The following PTH1R variants were observed in gnomAD, a reference collection of about 807,000 sequenced individuals.
PTH1R encodes the protein parathyroid hormone 1 receptor, also known as parathyroid hormone/parathyroid hormone-related peptide receptor.
Under a neutral mutation model 70.7 loss-of-function variants are expected in PTH1R, and 32 were observed. The ratio of observed to expected loss-of-function variants is 0.45; its 90% CI spans 0.34 to 0.61. PTH1R has a LOEUF of 0.61. Among genes scored for constraint, PTH1R ranks in the 20% least tolerant of loss-of-function variants. PTH1R has a pLI of 0.01. For missense variants in PTH1R, 626 were observed against 792.5 expected (o/e 0.79, Z 2.52); for synonymous variants, 329 against 324.8 (o/e 1.01, Z -0.14).
rs940205369 is a variant in PTH1R, at chr3:46,891,277, G to A, written c.76-2630G>A. On this transcript the variant is annotated intron_variant, in intron 3 of 15. Coordinates refer to ENST00000449590, the MANE Select transcript of PTH1R (RefSeq NM_000316.3). The surrounding 1 kb of genome is among the most constrained non-coding windows in gnomAD (Gnocchi z 4.3). ...GCCTCCTCCTGGCCATGGAGAAGGT[G>A]AAGCCAACAGCTGGAGGTAGAGGCT... Among the ~76,000 whole-genome samples, 1 of 152,178 alleles carries A rather than the reference G, an allele frequency of 6.6e-6. No individual in the cohort carries two copies. Among genetic ancestry groups the A allele is most frequent in the Non-Finnish European group, 1.5e-5 (1 of 68,032 alleles).
intron 4 of PTH1R, among the ~76,000 whole-genome samples, chr3:46,895,383 C>G (rs983197308): frequency 6.6e-6 from 1 of 152,184 alleles, no homozygotes; most frequent in African/African-American, 2.4e-5. Flanking sequence ...CCTGGTGGGG[C>G]CTTCACTGCT....
In PTH1R at chr3:46,891,005, C is replaced by T. The variant is rs1367912718; in HGVS notation, c.76-2902C>T. ...TTCCAGGCACGGAGCTGTGAGCTAA[C>T]GTTTGGAGGGGTAGCGCACTTGGTG... is the stretch of plus-strand genomic sequence containing the variant. On this transcript the variant is annotated intron_variant, in intron 3 of 15. Transcript: ENST00000449590. This position sits in a 1 kb window ranked among gnomAD's most constrained non-coding sequence, Gnocchi z 4.3. Among the ~76,000 whole-genome samples the T allele has an allele frequency of 6.6e-6, 1 of 152,140 alleles. No homozygotes were observed. Among genetic ancestry groups the T allele is most frequent in the Admixed American group, 6.5e-5 (1 of 15,278 alleles).
rs2031835498 is a variant in PTH1R, at chr3:46,897,739, CAAAACAAAACA to C, written c.314-106_314-96del. On this transcript the variant is annotated intron_variant, in intron 5 of 15. Transcript: ENST00000449590. ...AAAGCGAAACTCCGTCTCAAAAAAA[CAAAACAAAACA>C]AAAACAAAAACAAACAAACCACAGA... 6.9e-6 allele frequency: 7 copies of C among 1,017,160 alleles called. No homozygotes were observed. In the East Asian group the frequency reaches 1.8e-4, roughly 26 times the overall value. The allele number at this position is 1,017,160 out of a possible 1,614,324, so 63.0% of individuals were successfully genotyped here.
chr3:46,880,517 A>G (rs2106942319), intron 1 of PTH1R, among the ~76,000 whole-genome samples: 1 of 152,294 alleles, frequency 6.6e-6, no homozygotes, highest in East Asian at 1.9e-4. Context: ...AGGCAGGTGG[A>G]TCACTTGAGG....
At chr3:46,881,683 C>T (rs948939072) in intron 2 of PTH1R, among the ~76,000 whole-genome samples, 1 of 151,844 alleles carries the variant, frequency 6.6e-6, no homozygotes, top group Non-Finnish European at 1.5e-5. Flanking sequence ...GAACGACAGG[C>T]CTGGGATGGG....
At chr3:46,899,526 C>T in intron 10 of PTH1R, 70 bp downstream of exon 10, 3 of 1,561,068 alleles carry the variant, frequency 1.9e-6, no homozygotes, top group Non-Finnish European at 2.6e-6. Context: ...GAGGGCAGCC[C>T]CTGGGGGGAG....
chr3:46,895,319 C>A (rs900403862), intron 4 of PTH1R, among the ~76,000 whole-genome samples: 2 of 152,202 alleles, frequency 1.3e-5, no homozygotes, highest in African/African-American at 4.8e-5. Flanking sequence ...TTAATTTTCG[C>A]TATGTAACCT....
chr3:46,894,879 T>C (rs2107016092), intron 4 of PTH1R, among the ~76,000 whole-genome samples: 1 of 151,472 alleles, frequency 6.6e-6, no homozygotes, highest in Non-Finnish European at 1.5e-5. Context: ...CTGGGCAACA[T>C]AGTGAGACCC....
intron 10 of PTH1R, among the ~76,000 whole-genome samples, chr3:46,900,197 A>G (rs553462029): frequency 6.6e-6 from 1 of 152,012 alleles, no homozygotes; most frequent in East Asian, 1.9e-4. Flanking sequence ...CTCGACATAC[A>G]TCCTGACCCT....
In PTH1R at chr3:46,891,508, A is replaced by C. The variant is rs988513491; in HGVS notation, c.76-2399A>C. Among the ~76,000 whole-genome samples, 1 of 152,238 alleles carries C rather than the reference A, an allele frequency of 6.6e-6. No individual in the cohort carries two copies. The highest frequency in any genetic ancestry group is 1.5e-5 in the Non-Finnish European group (1 of 68,046). The stretch of plus-strand genomic sequence containing the variant: ...CTAAGGATGTGTGGGAGCCTCCGTC[A>C]GTCACTCCAGAGCTCTCCATCAGCT... On this transcript the variant is annotated intron_variant, in intron 3 of 15. Transcript: ENST00000449590. This position sits in a 1 kb window ranked among gnomAD's most constrained non-coding sequence, Gnocchi z 4.3.
At chr3:46,881,505 GC>G (rs1462690736) in intron 2 of PTH1R, among the ~76,000 whole-genome samples, 1 of 152,154 alleles carries the variant, frequency 6.6e-6, no homozygotes, top group Non-Finnish European at 1.5e-5. Context: ...CCCAGGTCTG[GC>G]AGCCTCGAGC....
At chr3:46,885,338 T>TGTATTTCATACATTCTTA (rs1171828978) in intron 3 of PTH1R, among the ~76,000 whole-genome samples, 3 of 152,144 alleles carry the variant, frequency 2.0e-5, no homozygotes, top group Non-Finnish European at 2.9e-5. Context: ...TGTTTTCTTA[T>TGTATTTCATACATTCTTA]GTGTATTTCA....
In PTH1R at chr3:46,889,757, G is replaced by A. The variant is rs112938226; in HGVS notation, c.76-4150G>A. ...CAGCTGGTGCAGGGCTGGGTGGCCTGTAAGTGGTGGGTATGGACTAAGTGA... is the reference window on the plus strand; with the variant it reads ...CAGCTGGTGCAGGGCTGGGTGGCCTATAAGTGGTGGGTATGGACTAAGTGA... On this transcript the variant is annotated intron_variant, in intron 3 of 15. Transcript: ENST00000449590. 4.9e-3 allele frequency among the ~76,000 whole-genome samples: 746 copies of A among 152,244 alleles called. 6 individuals are homozygous for A. Among genetic ancestry groups the A allele is most frequent in the Non-Finnish European group, 5.3e-3 (363 of 67,990 alleles).
chr3:46,890,582 G>A (rs2106992666), intron 3 of PTH1R, among the ~76,000 whole-genome samples: 1 of 146,364 alleles, frequency 6.8e-6, no homozygotes, highest in Admixed American at 7.1e-5. Context: ...CGGCTCACTG[G>A]AACCTCCGCT....
At chr3:46,895,612 G>T in intron 4 of PTH1R, 123 bp from the exon 5 acceptor site, 1 of 1,463,842 alleles carries the variant, frequency 6.8e-7, no homozygotes, top group Non-Finnish European at 9.5e-7. Flanking sequence ...CAACAGCCTA[G>T]GTGTCACCAG....
In PTH1R at chr3:46,893,574, G is replaced by A. The variant is rs1418182094; in HGVS notation, c.76-333G>A. ...CCAGGATCCTGTGTGGATCCATCCT[G>A]GGACATTCCATTCCAGTCCCATGTA... is the stretch of plus-strand genomic sequence containing the variant. On this transcript the variant is annotated intron_variant, in intron 3 of 15. Coordinates refer to ENST00000449590, the MANE Select transcript of PTH1R (RefSeq NM_000316.3). The surrounding 1 kb of genome is among the most constrained non-coding windows in gnomAD (Gnocchi z 5.2). Among the ~76,000 whole-genome samples, 2 of 152,106 alleles carry A rather than the reference G, an allele frequency of 1.3e-5. No homozygotes were observed. Among genetic ancestry groups the A allele is most frequent in the Non-Finnish European group, 2.9e-5 (2 of 68,022 alleles).
In PTH1R at chr3:46,883,978, A is replaced by C. The variant is rs2030848001; in HGVS notation, c.75+344A>C. Among the ~76,000 whole-genome samples the C allele has an allele frequency of 6.6e-6, 1 of 152,028 alleles. No homozygotes were observed. The highest frequency in any genetic ancestry group is 2.4e-5 in the African/African-American group (1 of 41,372). On this transcript the variant is annotated intron_variant, in intron 3 of 15. Coordinates refer to ENST00000449590, the MANE Select transcript of PTH1R (RefSeq NM_000316.3). This position sits in a 1 kb window ranked among gnomAD's most constrained non-coding sequence, Gnocchi z 6.4. ...AGGCTGGGCTTTGGCCCTGCTGCGT[A>C]CTCCCACAGACTTTGCTTTGGGGAC...
Position 46,893,726 on chromosome 3 carries a change from C to T in PTH1R, c.76-181C>T, listed in dbSNP as rs1220196753. Among the ~76,000 whole-genome samples, 1 of 152,236 alleles carries T rather than the reference C, an allele frequency of 6.6e-6. No homozygotes were observed. Among genetic ancestry groups the T allele is most frequent in the Non-Finnish European group, 1.5e-5 (1 of 68,038 alleles). ...CAGGCCCTACCCCTCAGAGCCACAG[C>T]TTCCCATCTGTAAGGTGTGAGCTCC... On this transcript the variant is annotated intron_variant, in intron 3 of 15. Coordinates refer to ENST00000449590, the MANE Select transcript of PTH1R (RefSeq NM_000316.3). This position sits in a 1 kb window ranked among gnomAD's most constrained non-coding sequence, Gnocchi z 5.2.
intron 3 of PTH1R, among the ~76,000 whole-genome samples, chr3:46,885,576 G>C (rs2106966131): frequency 6.6e-6 from 1 of 152,228 alleles, no homozygotes; most frequent in East Asian, 1.9e-4. Flanking sequence ...GGGAAGCTGA[G>C]ATATATGCAG....
Sources: gnomAD v4.1 joint callset for allele counts (sites outside exome capture counted in the v4.1 genomes callset) on GRCh38, gnomAD v4.1.1 for gene constraint, Gnocchi (gnomAD v3.1) non-coding constraint, MANE v1.5 for transcripts, NCBI Gene and HGNC (gene_info 2026-07-23, HGNC 2026-07-21) for gene names.